The following TPRG1 variants were observed in gnomAD, a reference collection of about 807,000 sequenced individuals.
TPRG1 encodes the protein tumor protein p63-regulated gene 1 protein.
TPRG1 carries 29 observed loss-of-function variants against 29.3 expected under a neutral mutation model. The ratio of observed to expected loss-of-function variants is 0.99; its 90% CI spans 0.74 to 1.35. The LOEUF (loss-of-function observed/expected upper bound fraction) is 1.35, where lower values mean the gene tolerates loss of function less well. Ranked by LOEUF, TPRG1 falls within the 40% of genes most tolerant of loss-of-function variation. TPRG1 has a pLI of 0.00. For missense variants in TPRG1, 327 were observed against 335.0 expected, an observed-to-expected ratio of 0.98 and a Z score of 0.19; for synonymous variants, 130 against 116.8, an observed-to-expected ratio of 1.11 and a Z score of -0.73.
At chr3:189,181,929 T>C (rs1325918005) in intron 1 of TPRG1, among the ~76,000 whole-genome samples, 1 of 152,172 alleles carries the variant, frequency 6.6e-6, no homozygotes, top group East Asian at 1.9e-4. Flanking sequence ...CTCACAATCA[T>C]GGTGGAAGGC....
chr3:189,280,157 G>A (rs1290019803), intron 4 of TPRG1, among the ~76,000 whole-genome samples: 16 of 152,050 alleles, frequency 1.1e-4, no homozygotes, highest in Admixed American at 1.0e-3. Flanking sequence ...TAGCCCTGTT[G>A]TAAACAACAG....
At chr3:189,129,784 G>A (rs1722902978) in intron 2 of TPRG1, among the ~76,000 whole-genome samples, 1 of 152,134 alleles carries the variant, frequency 6.6e-6, no homozygotes, top group Non-Finnish European at 1.5e-5. Flanking sequence ...AAAAGTATAG[G>A]ATTTTGAGCT....
At chr3:189,241,257 A>G (rs1409518557) in intron 4 of TPRG1, among the ~76,000 whole-genome samples, 2 of 152,180 alleles carry the variant, frequency 1.3e-5, no homozygotes, top group Non-Finnish European at 2.9e-5. Context: ...ACCAATATCA[A>G]GTATTACAAA....
intron 3 of TPRG1, among the ~76,000 whole-genome samples, chr3:189,023,023 G>A (rs566498089): frequency 3.9e-5 from 6 of 152,326 alleles, no homozygotes; most frequent in East Asian, 1.9e-4. Flanking sequence ...TCTTTGACTC[G>A]GAAAGGGAAC....
intron 4 of TPRG1, among the ~76,000 whole-genome samples, chr3:189,048,972 C>G (rs1224268090): frequency 2.6e-5 from 4 of 152,150 alleles, no homozygotes; most frequent in Non-Finnish European, 4.4e-5. Flanking sequence ...AGAGGAGCAG[C>G]AGAAAGGCCT....
rs575146208 is a variant in TPRG1, at chr3:189,224,993, G to A, written c.302+9610G>A. ...GTTGCCCAGGCTGGAGTGCAGTGGC[G>A]TGATCTCAGCTCACTGCAAGCTCTG... On this transcript the variant is annotated intron_variant, in intron 3 of 5. Transcript: ENST00000345063. Among the ~76,000 whole-genome samples, 267 of 149,034 alleles carry A rather than the reference G, an allele frequency of 1.8e-3. 2 individuals carry two copies. Among genetic ancestry groups the A allele is most frequent in the Admixed American group, 0.016 (231 of 14,854 alleles).
intron 5 of TPRG1, among the ~76,000 whole-genome samples, chr3:189,319,555 G>A (rs1025320678): frequency 6.6e-6 from 1 of 151,850 alleles, no homozygotes; most frequent in Non-Finnish European, 1.5e-5. Flanking sequence ...AATTTAACCA[G>A]TTCCGATGGT....
chr3:189,051,157 G>A (rs1715295747), intron 4 of TPRG1, among the ~76,000 whole-genome samples: 1 of 152,118 alleles, frequency 6.6e-6, no homozygotes, highest in Non-Finnish European at 1.5e-5. Flanking sequence ...ACTGTTTGCT[G>A]ACGATATTTA....
chr3:189,009,004 G>A (rs1303354848), intron 3 of TPRG1, among the ~76,000 whole-genome samples: 1 of 152,142 alleles, frequency 6.6e-6, no homozygotes, highest in East Asian at 1.9e-4. Flanking sequence ...TGAGAAGGGT[G>A]TGCGAGTAAA....
chr3:189,218,708 G>A (rs1736475417), intron 3 of TPRG1, among the ~76,000 whole-genome samples: 1 of 152,198 alleles, frequency 6.6e-6, no homozygotes, highest in East Asian at 1.9e-4. Context: ...TGGAGAACAT[G>A]AAGTGCCCAA....
At chr3:189,164,809 A>T (rs144687074) in intron 5 of TPRG1, among the ~76,000 whole-genome samples, 5 of 152,188 alleles carry the variant, frequency 3.3e-5, no homozygotes, top group Non-Finnish European at 5.9e-5. Context: ...CGGATATGGC[A>T]TGTTGTGTGG....
At chr3:189,140,224 A>G (rs1191830058) in intron 3 of TPRG1, among the ~76,000 whole-genome samples, 2 of 152,176 alleles carry the variant, frequency 1.3e-5, no homozygotes, top group Non-Finnish European at 2.9e-5. Flanking sequence ...GGCCCAGAAA[A>G]TTAGAGTTGG....
intron 2 of TPRG1, among the ~76,000 whole-genome samples, chr3:189,002,109 T>C (rs191666421): frequency 6.6e-6 from 1 of 152,316 alleles, no homozygotes. Flanking sequence ...ATAATACTCC[T>C]TAGCCTAGTG....
At chr3:189,040,710 G>T (rs1714579475) in intron 4 of TPRG1, among the ~76,000 whole-genome samples, 1 of 152,176 alleles carries the variant, frequency 6.6e-6, no homozygotes, top group African/African-American at 2.4e-5. Context: ...TGGTCCCACA[G>T]TGGTATGATC....
chr3:189,228,200 A>G (rs1260674731), intron 3 of TPRG1, among the ~76,000 whole-genome samples: 1 of 152,202 alleles, frequency 6.6e-6, no homozygotes, highest in African/African-American at 2.4e-5. Context: ...TCTATGAAAT[A>G]TTTACAGAAG....
At chr3:189,056,756 A>C (rs910679982) in intron 4 of TPRG1, among the ~76,000 whole-genome samples, 1 of 152,200 alleles carries the variant, frequency 6.6e-6, no homozygotes. Flanking sequence ...ACAGATGAAC[A>C]GATTGAATCC....
chr3:189,076,923 C>CATATATATATATATATATATAT (rs150949911), intron 4 of TPRG1, among the ~76,000 whole-genome samples: 23 of 140,658 alleles, frequency 1.6e-4, no homozygotes, highest in African/African-American at 6.3e-4. Flanking sequence ...TATATGTGTA[C>CATATATATATATATATATATAT]ATATATATAT....
intron 1 of TPRG1, among the ~76,000 whole-genome samples, chr3:189,113,483 TG>T (rs1720797588): frequency 1.3e-5 from 2 of 152,146 alleles, no homozygotes; most frequent in Non-Finnish European, 2.9e-5. Flanking sequence ...TTCCAGTTTT[TG>T]CCCATTCAGT....
At chr3:189,004,822 C>G (rs1483045414) in intron 3 of TPRG1, 1 of 152,098 alleles carries the variant, frequency 6.6e-6, no homozygotes, top group Non-Finnish European at 1.5e-5. Flanking sequence ...CTTTCTCTGC[C>G]TATCCTAACC....
Sources: gnomAD v4.1 joint callset for allele counts (sites outside exome capture counted in the v4.1 genomes callset) on GRCh38, gnomAD v4.1.1 for gene constraint, MANE v1.5 for transcripts, NCBI Gene and HGNC (gene_info 2026-07-23, HGNC 2026-07-21) for gene names.